Variants in IL1RAPL2 observed in about 807,000 individuals in gnomAD.
IL1RAPL2 encodes X-linked interleukin-1 receptor accessory protein-like 2.
A neutral mutation model predicts 44.1 loss-of-function variants in IL1RAPL2; 3 were observed. The ratio of observed to expected loss-of-function variants is 0.07; its 90% CI spans 0.03 to 0.18. The LOEUF is 0.18. Among genes scored for constraint, IL1RAPL2 ranks in the 10% least tolerant of loss-of-function variants. The pLI, the probability that IL1RAPL2 is intolerant of heterozygous loss-of-function variation, is 1.00. For missense variants in IL1RAPL2, 391 were observed against 496.4 expected, an observed-to-expected ratio of 0.79 and a Z score of 2.02; for synonymous variants, 181 against 178.8, an observed-to-expected ratio of 1.01 and a Z score of -0.10.
chrX:105,315,358 C>T (rs770289053), intron 5 of IL1RAPL2, among the ~76,000 whole-genome samples: 3 of 105,642 alleles, frequency 2.8e-5, no homozygotes, highest in African/African-American at 1.0e-4. Flanking sequence ...ATACTATTGG[C>T]ACATAATATT....
intron 2 of IL1RAPL2, among the ~76,000 whole-genome samples, chrX:105,135,981 G>C (rs1269247292): frequency 8.9e-6 from 1 of 111,750 alleles, no homozygotes; most frequent in Non-Finnish European, 1.9e-5. Flanking sequence ...GTGAAACATG[G>C]GAGAGAAGAG....
chrX:105,448,668 G>A (rs1452851907), intron 5 of IL1RAPL2, among the ~76,000 whole-genome samples: 1 of 110,767 alleles, frequency 9.0e-6, no homozygotes, highest in Non-Finnish European at 1.9e-5. Context: ...CCCGGCCTAA[G>A]GTCAATAACT....
intron 2 of IL1RAPL2, among the ~76,000 whole-genome samples, chrX:104,803,096 G>A (rs1477297917): frequency 1.8e-5 from 2 of 111,599 alleles, no homozygotes; most frequent in South Asian, 7.5e-4. Context: ...TGTTGGGGAG[G>A]AAGAAAGGAA....
At chrX:105,219,989 C>T (rs782435399) in intron 3 of IL1RAPL2, 3 of 1,205,772 alleles carry the variant, frequency 2.5e-6, no homozygotes, top group East Asian at 3.0e-5. Flanking sequence ...TGCACCTCCA[C>T]GAGGCTGGTC....
chrX:104,591,900 A>G (rs947917250), intron 1 of IL1RAPL2, among the ~76,000 whole-genome samples: 1 of 110,449 alleles, frequency 9.1e-6, no homozygotes, highest in African/African-American at 3.3e-5. Flanking sequence ...TATCTCATTT[A>G]TGCTACTGGT....
At chrX:104,665,475 AT>A (rs1428274377) in intron 2 of IL1RAPL2, among the ~76,000 whole-genome samples, 3 of 110,942 alleles carry the variant, frequency 2.7e-5, no homozygotes, top group African/African-American at 9.8e-5. Flanking sequence ...ATCATGCTTA[AT>A]GAAATTTAAA....
At chrX:105,471,032 G>T (rs1174604761) in intron 5 of IL1RAPL2, among the ~76,000 whole-genome samples, 2 of 111,735 alleles carry the variant, frequency 1.8e-5, no homozygotes, top group East Asian at 5.7e-4. Flanking sequence ...ATTTACTGTG[G>T]GGTAATTAAT....
chrX:104,985,539 G>T (rs779010990), intron 2 of IL1RAPL2, among the ~76,000 whole-genome samples: 2 of 111,814 alleles, frequency 1.8e-5, no homozygotes, highest in Admixed American at 9.5e-5. Flanking sequence ...TACACATCTG[G>T]TTATAGAGGT....
At chrX:104,914,874 G>A (rs898617069) in intron 2 of IL1RAPL2, among the ~76,000 whole-genome samples, 3 of 111,433 alleles carry the variant, frequency 2.7e-5, no homozygotes, top group Non-Finnish European at 3.8e-5. Flanking sequence ...TTTCATCCAT[G>A]TCCCTACAAA....
intron 2 of IL1RAPL2, among the ~76,000 whole-genome samples, chrX:104,874,707 GA>G (rs1459210027): frequency 9.0e-6 from 1 of 111,469 alleles, no homozygotes; most frequent in African/African-American, 3.3e-5. Context: ...GATGATACTA[GA>G]AAGGCACTTG....
intron 2 of IL1RAPL2, among the ~76,000 whole-genome samples, chrX:104,820,852 T>C (rs1001702162): frequency 5.3e-5 from 6 of 112,446 alleles, no homozygotes; most frequent in Non-Finnish European, 9.4e-5. Context: ...CTGGCAAATG[T>C]TTGTAAAATA....
chrX:104,667,805 A>C (rs1930513331), intron 2 of IL1RAPL2, among the ~76,000 whole-genome samples: 1 of 111,928 alleles, frequency 8.9e-6, no homozygotes, highest in Non-Finnish European at 1.9e-5. Flanking sequence ...TCTTTCCACA[A>C]CACCATGGAT....
At position 104,912,678 on chromosome X, in the gene IL1RAPL2, T is replaced by C. The variant is rs769771599; in HGVS notation, c.82+253683T>C. Among the ~76,000 whole-genome samples, 4 of 111,858 alleles carry C rather than the reference T, an allele frequency of 3.6e-5. No homozygotes were observed. The East Asian group carries it at 1.1e-3, about 31-fold the overall frequency. On this transcript the variant is annotated intron_variant, in intron 2 of 10. Coordinates refer to ENST00000372582, the MANE Select transcript of IL1RAPL2 (RefSeq NM_017416.2). ...TAAAGCATGTTAAGGCCAAGCATGC[T>C]GAGCTGATGACATTAACTTATCCTA...
intron 1 of IL1RAPL2, among the ~76,000 whole-genome samples, chrX:104,636,579 G>A (rs1602655909): frequency 1.8e-5 from 2 of 111,885 alleles, no homozygotes. Context: ...CCACCTTGCA[G>A]TTTGATTTCA....
intron 1 of IL1RAPL2, among the ~76,000 whole-genome samples, chrX:104,652,708 C>G (rs1028403266): frequency 1.8e-5 from 2 of 111,777 alleles, no homozygotes; most frequent in African/African-American, 6.5e-5. Flanking sequence ...TACCCTCTTC[C>G]ACTGAGAGAT....
At chrX:104,757,528 C>A (rs1932359871) in intron 2 of IL1RAPL2, among the ~76,000 whole-genome samples, 1 of 111,202 alleles carries the variant, frequency 9.0e-6, no homozygotes, top group Admixed American at 9.5e-5. Flanking sequence ...TGGGTGAATT[C>A]ACCTAGAAAT....
At chrX:104,585,905 G>A in intron 1 of IL1RAPL2, among the ~76,000 whole-genome samples, 2 of 110,991 alleles carry the variant, frequency 1.8e-5, no homozygotes, top group Admixed American at 9.7e-5. Context: ...CAATGAACAT[G>A]CGTATGAATG....
In IL1RAPL2 at chrX:104,932,464, G is replaced by C. The variant is rs779634879; in HGVS notation, c.83-263011G>C. On this transcript the variant is annotated intron_variant, in intron 2 of 10. Transcript: ENST00000372582. ...TCTTTCAAGTTCATTATTTGAAGCA[G>C]TCATGTGGATATTACTTGCTGCCAA... Among the ~76,000 whole-genome samples, 4 of 111,529 alleles carry C rather than the reference G, an allele frequency of 3.6e-5. 1 individual carries two copies. The South Asian group carries it at 1.5e-3, about 42-fold the overall frequency.
chrX:105,044,152 G>A (rs1266327151), intron 2 of IL1RAPL2, among the ~76,000 whole-genome samples: 2 of 111,160 alleles, frequency 1.8e-5, no homozygotes, highest in Non-Finnish European at 3.8e-5. Context: ...GAAGATAACA[G>A]TCTTTGCATC....
Sources: gnomAD v4.1 joint callset for allele counts (sites outside exome capture counted in the v4.1 genomes callset) on GRCh38, gnomAD v4.1.1 for gene constraint, MANE v1.5 for transcripts, NCBI Gene and HGNC (gene_info 2026-07-23, HGNC 2026-07-21) for gene names.